Variants in RARG observed in about 807,000 individuals in gnomAD.
RARG encodes the protein RAR-gamma.
Under a neutral mutation model 43.7 loss-of-function variants are expected in RARG, and 17 were observed. The observed-to-expected ratio is 0.39, with a 90% confidence interval of 0.27 to 0.58. RARG has a LOEUF of 0.58. RARG is among the 20% of genes least tolerant of loss of function. The pLI is 0.57. For missense variants in RARG, 346 were observed against 598.7 expected, an observed-to-expected ratio of 0.58 and a Z score of 4.40; for synonymous variants, 238 against 236.4, an observed-to-expected ratio of 1.01 and a Z score of -0.06.
chr12:53,229,986 T>G (rs951574518), intron 2 of RARG: 17 of 976,714 alleles, frequency 1.7e-5, no homozygotes, highest in Non-Finnish European at 2.1e-5. Flanking sequence ...AGAAGGGACT[T>G]GGGAGTTGAG....
At chr12:53,222,906 T>C (rs1417701305) in intron 3 of RARG, among the ~76,000 whole-genome samples, 1 of 152,144 alleles carries the variant, frequency 6.6e-6, no homozygotes, top group Non-Finnish European at 1.5e-5. Flanking sequence ...GGTGGGAGTA[T>C]GAAGGGGGGC....
In RARG at chr12:53,213,422, C is replaced by T; in HGVS notation, c.1018+74G>A. ...GACCACTGGGTCCTCCACGCCCCCT[C>T]CCAGACAGATTCCGCATGGAGTGGT... On this transcript the variant is annotated intron_variant, in intron 8 of 9. Transcript: ENST00000425354. This position sits in a 1 kb window ranked among gnomAD's most constrained non-coding sequence, Gnocchi z 4.7. 2 of 1,554,328 alleles carry T rather than the reference C, an allele frequency of 1.3e-6. No individual in the cohort carries two copies. Among genetic ancestry groups the T allele is most frequent in the Non-Finnish European group, 8.8e-7 (1 of 1,134,406 alleles).
At chr12:53,224,254 G>A (rs749387129) in intron 3 of RARG, among the ~76,000 whole-genome samples, 2 of 151,542 alleles carry the variant, frequency 1.3e-5, no homozygotes. Flanking sequence ...TTCAGACCCC[G>A]AGACAGCCCC....
At position 53,215,811 on chromosome 12, in the gene RARG, G is replaced by A. The variant is rs1289879238; in HGVS notation, c.185-17C>T. 1 of 1,587,284 alleles carries A rather than the reference G, an allele frequency of 6.3e-7. No homozygotes were observed. The highest frequency in any genetic ancestry group is 8.6e-7 in the Non-Finnish European group (1 of 1,165,094). On this transcript the variant is annotated splice_polypyrimidine_tract_variant and intron_variant, in intron 3 of 9. Coordinates refer to ENST00000425354, the MANE Select transcript of RARG (RefSeq NM_000966.6). This position sits in a 1 kb window ranked among gnomAD's most constrained non-coding sequence, Gnocchi z 6.4. ...TCTCCACCGCTGGGAGGGAAGCAGT[G>A]ATGTGAGGGTCAGGGGAGAAGGACC...
In RARG at chr12:53,214,197, C is replaced by T. The variant is rs768938896; in HGVS notation, c.675G>A (p.Gly225=). 1.9e-6 allele frequency: 3 copies of T among 1,613,758 alleles called. No homozygotes were observed. Among genetic ancestry groups the T allele is most frequent in the Non-Finnish European group, 2.5e-6 (3 of 1,179,662 alleles). Residue 225 remains glycine (G), a synonymous_variant, in exon 7 of 10, where the codon GGG becomes GGA. Transcript: ENST00000425354. ...CCAGCTCACTGAACTTGTCCCACAG[C>T]CCCAGATCCAGCTGCACGCGGTGGT... ...SADHRVQLDL[G]LWDKFSELAT... is the part of the protein sequence containing the mutation.
At chr12:53,228,477 G>A (rs1412240462) in intron 2 of RARG, among the ~76,000 whole-genome samples, 1 of 152,122 alleles carries the variant, frequency 6.6e-6, no homozygotes, top group Admixed American at 6.5e-5. Context: ...TCCATACTCT[G>A]CTTCAGTAAG....
Position 53,232,155 on chromosome 12 carries a change from A to T in RARG, c.-391T>A. 2 of 398,478 alleles carry T rather than the reference A, an allele frequency of 5.0e-6. No homozygotes were observed. The highest frequency in any genetic ancestry group is 8.8e-6 in the Non-Finnish European group (2 of 225,994). The allele number at this position is 398,478 out of a possible 1,614,324, so 24.7% of individuals were successfully genotyped here. A position where few individuals can be genotyped will look rare whatever the true frequency, so the allele number is the denominator to read the frequency against. Reference sequence around the variant, plus strand: ...CCGCCCGCCCACGTGACCGCCCCAAAATATCCGACACATTTTCTCCCAAAC... The same window carrying T: ...CCGCCCGCCCACGTGACCGCCCCAATATATCCGACACATTTTCTCCCAAAC... On this transcript the variant is annotated 5_prime_UTR_variant, in exon 1 of 10. Transcript: ENST00000425354.
intron 1 of RARG, among the ~76,000 whole-genome samples, 169 bp downstream of exon 1, chr12:53,231,805 C>T (rs1341272788): frequency 4.6e-5 from 7 of 152,272 alleles, no homozygotes; most frequent in Admixed American, 4.6e-4. Context: ...CTTCCCACAG[C>T]AGGACTGGCC....
Position 53,222,387 on chromosome 12 carries a change from G to A in RARG, c.184+4975C>T, listed in dbSNP as rs1354023121. Among the ~76,000 whole-genome samples, 11 of 152,204 alleles carry A rather than the reference G, an allele frequency of 7.2e-5. No individual in the cohort carries two copies. The South Asian group carries it at 2.1e-3, about 29-fold the overall frequency. On this transcript the variant is annotated intron_variant, in intron 3 of 9. Coordinates refer to ENST00000425354, the MANE Select transcript of RARG (RefSeq NM_000966.6). ...ACAAAAACAGTTAAGTGCAAAATAG[G>A]GAGTACCCCGAAAACAAGAGGGAAA...
rs144011783 is a variant in RARG, at chr12:53,226,167, C to T, written c.184+1195G>A. Among the ~76,000 whole-genome samples, 30 of 152,288 alleles carry T rather than the reference C, an allele frequency of 2.0e-4. No individual in the cohort carries two copies. The East Asian group carries it at 4.4e-3, about 23-fold the overall frequency. ...TCTCTCAGACAGAATCTTGCTCTGT[C>T]GCCCAGGCTAGAGTGCAGTGGCGCG... On this transcript the variant is annotated intron_variant, in intron 3 of 9. Transcript: ENST00000425354.
In RARG at chr12:53,215,191, A is replaced by G; in HGVS notation, c.475+102T>C. On this transcript the variant is annotated intron_variant, in intron 5 of 9. Coordinates refer to ENST00000425354, the MANE Select transcript of RARG (RefSeq NM_000966.6). This position sits in a 1 kb window ranked among gnomAD's most constrained non-coding sequence, Gnocchi z 6.4. ...AGAAGGCAGCACCCCAGGGCAGGCC[A>G]AGTCTCAGAGGTCAGGGAAGTGGGA... The G allele has an allele frequency of 6.8e-7, 1 of 1,467,960 alleles. No individual in the cohort carries two copies. The highest frequency in any genetic ancestry group is 1.3e-5 in the South Asian group (1 of 76,830). 90.9% of individuals were successfully genotyped at this position (1,467,960 alleles called of 1,614,324 possible).
At chr12:53,226,091 C>A (rs1015072496) in intron 3 of RARG, among the ~76,000 whole-genome samples, 5 of 152,202 alleles carry the variant, frequency 3.3e-5, no homozygotes, top group Admixed American at 6.5e-5. Flanking sequence ...ATTTCTTTCC[C>A]CTTTTTGCAG....
At position 53,213,926 on chromosome 12, in the gene RARG, C is replaced by A. The variant is rs185410682; in HGVS notation, c.813+133G>T. The A allele has an allele frequency of 3.3e-6, 4 of 1,210,438 alleles. No individual in the cohort carries two copies. The African/African-American group carries it at 4.6e-5, about 14-fold the overall frequency. The allele number at this position is 1,210,438 out of a possible 1,614,324, so 75.0% of individuals were successfully genotyped here. A position where few individuals can be genotyped will look rare whatever the true frequency, so the allele number is the denominator to read the frequency against. ...CAGGTCATAGGGGCAGAGGCTAAGA[C>A]GAAAAGAGAGCTGAGGAGTCCCACA... On this transcript the variant is annotated intron_variant, in intron 7 of 9. Transcript: ENST00000425354. This position sits in a 1 kb window ranked among gnomAD's most constrained non-coding sequence, Gnocchi z 4.7.
At chr12:53,212,708 G>A (rs532275538) in intron 9 of RARG, among the ~76,000 whole-genome samples, 2 of 149,818 alleles carry the variant, frequency 1.3e-5, no homozygotes, top group Non-Finnish European at 2.9e-5. Flanking sequence ...AAAGCAATTT[G>A]CCCAAGACTT....
At chr12:53,222,983 C>T (rs192643489) in intron 3 of RARG, among the ~76,000 whole-genome samples, 7 of 152,258 alleles carry the variant, frequency 4.6e-5, no homozygotes, top group African/African-American at 1.7e-4. Flanking sequence ...CCAGCTAGAG[C>T]CCCACAAAGG....
At chr12:53,221,009 G>T (rs1433259344) in intron 3 of RARG, among the ~76,000 whole-genome samples, 1 of 151,400 alleles carries the variant, frequency 6.6e-6, no homozygotes, top group Non-Finnish European at 1.5e-5. Flanking sequence ...CTTCCTTCCC[G>T]TCTCCCCACC....
intron 9 of RARG, among the ~76,000 whole-genome samples, chr12:53,212,168 C>T (rs1592424173): frequency 6.6e-6 from 1 of 152,244 alleles, no homozygotes; most frequent in African/African-American, 2.4e-5. Context: ...ACCCCACTCT[C>T]GAATGTCCAG....
At position 53,213,161 on chromosome 12, in the gene RARG, G is replaced by A. The variant is rs1942654369; in HGVS notation, c.1101C>T (p.Arg367=). Residue 367 remains arginine, a synonymous_variant, in exon 9 of 10, where the codon CGC becomes CGT. Coordinates refer to ENST00000425354, the MANE Select transcript of RARG (RefSeq NM_000966.6). The surrounding 1 kb of genome is among the most constrained non-coding windows in gnomAD (Gnocchi z 4.7). The part of the protein sequence containing the change: ...LLEALRLYAR[R]RRPSQPYMFP... ...ACATGTAGGGCTGGCTGGGCCGCCG[G>A]CGCCGGGCGTACAGCCTCAGGGCTT... is the stretch of plus-strand genomic sequence containing the variant. 1 of 1,613,708 alleles carries A rather than the reference G, an allele frequency of 6.2e-7. No individual in the cohort carries two copies. The highest frequency in any genetic ancestry group is 8.5e-7 in the Non-Finnish European group (1 of 1,179,576).
At chr12:53,231,852 C>T in intron 1 of RARG, 122 bp downstream of exon 1, 2 of 386,372 alleles carry the variant, frequency 5.2e-6, no homozygotes. Flanking sequence ...AGCCCGGCGG[C>T]CAGCCTGGCC....
Sources: gnomAD v4.1 joint callset for allele counts (sites outside exome capture counted in the v4.1 genomes callset) on GRCh38, gnomAD v4.1.1 for gene constraint, Gnocchi (gnomAD v3.1) non-coding constraint, MANE v1.5 for transcripts, NCBI Gene and HGNC (gene_info 2026-07-23, HGNC 2026-07-21) for gene names.